STRN: variants seen among roughly 807,000 people sequenced by gnomAD.
STRN encodes protein phosphatase 2 regulatory subunit B'''alpha.
Under a neutral mutation model 96.3 loss-of-function variants are expected in STRN, and 53 were observed. The ratio of observed to expected loss-of-function variants is 0.55; its 90% CI spans 0.44 to 0.69. The LOEUF (loss-of-function observed/expected upper bound fraction) is 0.69, where lower values mean the gene tolerates loss of function less well. Ranked by LOEUF, STRN falls within the 30% of genes least tolerant of loss-of-function variation. STRN has a pLI of 0.00. For missense variants in STRN, 987 were observed against 963.9 expected (o/e 1.02, Z -0.32); for synonymous variants, 428 against 355.9 (o/e 1.20, Z -2.28).
At position 36,886,314 on chromosome 2, in the gene STRN, T is replaced by C. The variant is rs3821146; in HGVS notation, c.1042+402A>G. Among the ~76,000 whole-genome samples, 8 of 152,324 alleles carry C rather than the reference T, an allele frequency of 5.3e-5. No individual in the cohort carries two copies. In the East Asian group the frequency reaches 1.4e-3, roughly 26 times the overall value. On this transcript the variant is annotated intron_variant, in intron 8 of 17. Coordinates refer to ENST00000263918, the MANE Select transcript of STRN (RefSeq NM_003162.4). The stretch of plus-strand genomic sequence containing the variant: ...AAATTAACTTTCTGTCACCAATGTC[T>C]AAAATTATAAGCAATAATTTTGGTG...
chr2:36,917,366 T>C (rs1008263462), intron 2 of STRN, among the ~76,000 whole-genome samples: 2 of 150,940 alleles, frequency 1.3e-5, no homozygotes, highest in Admixed American at 1.3e-4. Flanking sequence ...TATCAAAAAA[T>C]ACAAAAATTA....
At chr2:36,908,149 A>G (rs1317458564) in intron 3 of STRN, among the ~76,000 whole-genome samples, 1 of 152,220 alleles carries the variant, frequency 6.6e-6, no homozygotes, top group Non-Finnish European at 1.5e-5. Flanking sequence ...AATAACCTGT[A>G]CTTGCCAAGT....
intron 3 of STRN, among the ~76,000 whole-genome samples, chr2:36,910,082 A>G (rs1315254094): frequency 6.6e-6 from 1 of 151,176 alleles, no homozygotes; most frequent in African/African-American, 2.4e-5. Flanking sequence ...CTGAGGCAGG[A>G]GAATCGCTTG....
intron 1 of STRN, among the ~76,000 whole-genome samples, chr2:36,930,639 T>C (rs1468752222): frequency 2.0e-5 from 3 of 152,046 alleles, no homozygotes; most frequent in African/African-American, 7.2e-5. Context: ...GGAGAACCAC[T>C]GACTTAAACC....
At chr2:36,874,026 C>A (rs376390684) in intron 10 of STRN, among the ~76,000 whole-genome samples, 1 of 150,480 alleles carries the variant, frequency 6.6e-6, no homozygotes, top group Non-Finnish European at 1.5e-5. Context: ...GAGGCTGAGG[C>A]GGGTGGATCA....
chr2:36,843,261 T>C lies in STRN; in HGVS notation c.*6195A>G, dbSNP rs943663931. On this transcript the variant is annotated 3_prime_UTR_variant, in exon 18 of 18. Coordinates refer to ENST00000263918, the MANE Select transcript of STRN (RefSeq NM_003162.4). ...ATAGTTTCAAGGATATCAGAAGAGA[T>C]GCCTTTTAAATTTCATATTGTATTG... 1.3e-5 allele frequency among the ~76,000 whole-genome samples: 2 copies of C among 152,138 alleles called. No homozygotes were observed. Among genetic ancestry groups the C allele is most frequent in the Non-Finnish European group, 2.9e-5 (2 of 68,022 alleles).
chr2:36,906,781 A>AGCCGGGC (rs1669831857), intron 3 of STRN, among the ~76,000 whole-genome samples: 1 of 151,946 alleles, frequency 6.6e-6, no homozygotes, highest in Non-Finnish European at 1.5e-5. Context: ...TACAAAAATT[A>AGCCGGGC]GTGGTGGTGG....
rs562057260 is a variant in STRN, at chr2:36,905,390, AT to A, written c.491+149del. 92 of 670,288 alleles carry A rather than the reference AT, an allele frequency of 1.4e-4. 4 individuals carry two copies. The South Asian group carries it at 1.8e-3, about 13-fold the overall frequency. 41.5% of individuals were successfully genotyped at this position (670,288 alleles called of 1,614,324 possible). Reference sequence around the variant, plus strand: ...CTACCACACAGAAAAAGTATTTAATATGAAAAAGGAACAGTAATTCAATTAA... The same window carrying A: ...CTACCACACAGAAAAAGTATTTAATAGAAAAAGGAACAGTAATTCAATTAA... On this transcript the variant is annotated intron_variant, in intron 4 of 17. Transcript: ENST00000263918.
At chr2:36,916,641 C>A (rs1294462206) in intron 2 of STRN, among the ~76,000 whole-genome samples, 2 of 152,080 alleles carry the variant, frequency 1.3e-5, no homozygotes, top group African/African-American at 4.8e-5. Flanking sequence ...CATTATACTG[C>A]ACAATCCAAG....
At chr2:36,875,365 G>A (rs1668876234) in intron 10 of STRN, among the ~76,000 whole-genome samples, 2 of 151,936 alleles carry the variant, frequency 1.3e-5, no homozygotes, top group Non-Finnish European at 2.9e-5. Context: ...AAAAAGCCAG[G>A]CATGGTGGTG....
intron 1 of STRN, among the ~76,000 whole-genome samples, chr2:36,932,401 TGCCTCG>T (rs1199605107): frequency 2.0e-5 from 3 of 152,124 alleles, no homozygotes; most frequent in Non-Finnish European, 4.4e-5. Context: ...GTGATCTGCC[TGCCTCG>T]GCCTCCCAAA....
At chr2:36,879,142 C>T (rs1231913778) in intron 9 of STRN, among the ~76,000 whole-genome samples, 1 of 152,054 alleles carries the variant, frequency 6.6e-6, no homozygotes, top group Non-Finnish European at 1.5e-5. Flanking sequence ...ATGATCTCAG[C>T]TTACTGCAAC....
intron 3 of STRN, among the ~76,000 whole-genome samples, chr2:36,906,339 G>C (rs893983299): frequency 4.0e-5 from 6 of 151,812 alleles, no homozygotes; most frequent in African/African-American, 1.5e-4. Flanking sequence ...CGCAGCTGTG[G>C]TCCCAGCTAC....
chr2:36,883,860 C>G, intron 9 of STRN, 72 bp downstream of exon 9: 2 of 1,269,534 alleles, frequency 1.6e-6, no homozygotes, highest in Non-Finnish European at 2.0e-6. Flanking sequence ...ATAGGAGAGG[C>G]CTTTCTAATG....
chr2:36,959,984 G>A (rs1050622266), intron 1 of STRN, among the ~76,000 whole-genome samples: 3 of 152,032 alleles, frequency 2.0e-5, no homozygotes, highest in Non-Finnish European at 4.4e-5. Context: ...AATAGGATAC[G>A]TTTTAAAAGA....
intron 15 of STRN, among the ~76,000 whole-genome samples, chr2:36,854,519 GA>G (rs1668296706): frequency 6.6e-6 from 1 of 152,120 alleles, no homozygotes; most frequent in African/African-American, 2.4e-5. Flanking sequence ...AACACCACAA[GA>G]ACATATGTAA....
At chr2:36,901,822 T>A (rs1019507527) in intron 5 of STRN, among the ~76,000 whole-genome samples, 3 of 152,210 alleles carry the variant, frequency 2.0e-5, no homozygotes, top group Non-Finnish European at 2.9e-5. Flanking sequence ...CCTAATCCCA[T>A]AATTTTAATT....
chr2:36,855,258 C>T lies in STRN; in HGVS notation c.1932G>A (p.Met644Ile). The change falls in exon 15 of 18, where the codon ATG (methionine) becomes ATA (isoleucine). Residue 644 changes from methionine to isoleucine, a missense_variant. Transcript: ENST00000263918. ...AAGTGAGAATGCGTTGTTGTGTTTC[C>T]ATGTTAAAAATGCTTGTATATCCCT... ...FSKGYTSIFN[M>I]ETQQRILTLE... is the part of the protein sequence containing the mutation. 1 of 1,613,738 alleles carries T rather than the reference C, an allele frequency of 6.2e-7. No homozygotes were observed. Among genetic ancestry groups the T allele is most frequent in the Non-Finnish European group, 8.5e-7 (1 of 1,179,768 alleles).
At chr2:36,864,410 G>A (rs1035217214) in intron 12 of STRN, among the ~76,000 whole-genome samples, 2 of 152,148 alleles carry the variant, frequency 1.3e-5, no homozygotes, top group Non-Finnish European at 2.9e-5. Context: ...CTGTTGAGAT[G>A]ATCATGTGAT....
Sources: allele counts gnomAD v4.1 joint callset (sites outside exome capture counted in the v4.1 genomes callset), GRCh38; gene constraint gnomAD v4.1.1; transcripts MANE v1.5; gene names NCBI Gene and HGNC (gene_info 2026-07-23, HGNC 2026-07-21).